Variants in SBF2 observed in about 807,000 individuals in gnomAD.
SBF2 encodes SET binding factor 2.
Under a neutral mutation model 225.2 loss-of-function variants are expected in SBF2, and 112 were observed. That is an observed-to-expected ratio of 0.50 (90% CI 0.43 to 0.58). SBF2 has a LOEUF of 0.58. Ranked by LOEUF, SBF2 falls within the 20% of genes least tolerant of loss-of-function variation. The pLI, the probability that SBF2 is intolerant of heterozygous loss-of-function variation, is 0.00. For synonymous variants in SBF2, 763 were observed against 773.3 expected (o/e 0.99, Z 0.22); for missense variants, 1,996 against 2,206.2 (o/e 0.90, Z 1.91).
intron 2 of SBF2, among the ~76,000 whole-genome samples, chr11:10,081,615 C>T (rs556960435): frequency 2.0e-5 from 3 of 151,984 alleles, no homozygotes; most frequent in African/African-American, 7.2e-5. Flanking sequence ...AAAAAATTAG[C>T]CAGGCGTGGT....
intron 16 of SBF2, among the ~76,000 whole-genome samples, chr11:9,950,545 G>A (rs954821808): frequency 2.0e-5 from 3 of 152,158 alleles, no homozygotes; most frequent in Non-Finnish European, 1.5e-5. Flanking sequence ...TATGATGATT[G>A]TAACTCAGCA....
intron 16 of SBF2, among the ~76,000 whole-genome samples, chr11:9,926,329 C>CTT (rs1185182785): frequency 6.8e-6 from 1 of 146,004 alleles, no homozygotes; most frequent in African/African-American, 2.5e-5. Flanking sequence ...AAAAAATTGT[C>CTT]TTTTTTTTTT....
Position 9,951,984 on chromosome 11 carries a change from G to A in SBF2, c.1860+9973C>T, listed in dbSNP as rs186920236. 1.9e-3 allele frequency among the ~76,000 whole-genome samples: 283 copies of A among 152,306 alleles called. 1 individual carries two copies. The highest frequency in any genetic ancestry group is 3.4e-3 in the Non-Finnish European group (231 of 68,026). On this transcript the variant is annotated intron_variant, in intron 16 of 39. Coordinates refer to ENST00000256190, the MANE Select transcript of SBF2 (RefSeq NM_030962.4). ...CATTATAGTATGCCCTGGGAGAGCT[G>A]TTCTACTGAAAAACGTCAACCTCCA...
intron 2 of SBF2, among the ~76,000 whole-genome samples, chr11:10,045,089 G>A (rs1949800023): frequency 6.6e-6 from 1 of 152,004 alleles, no homozygotes. Context: ...TTTGGCAGGA[G>A]GTCCAGTCAT....
chr11:10,284,923 T>TG (rs1963645482), intron 1 of SBF2, among the ~76,000 whole-genome samples: 1 of 148,178 alleles, frequency 6.7e-6, no homozygotes, highest in Admixed American at 6.7e-5. Flanking sequence ...TGACAAGAGT[T>TG]TTTTTTTTTT....
intron 32 of SBF2, among the ~76,000 whole-genome samples, chr11:9,800,241 GA>G (rs141167439): frequency 6.0e-4 from 87 of 145,388 alleles, no homozygotes; most frequent in African/African-American, 2.1e-3. Context: ...CATCCTAAAG[GA>G]AAAAAAAAAG....
chr11:9,976,073 T>TTCTTC (rs373369670), intron 13 of SBF2, among the ~76,000 whole-genome samples: 7 of 132,348 alleles, frequency 5.3e-5, no homozygotes, highest in Admixed American at 1.5e-4. Context: ...CTTCTTCTTC[T>TTCTTC]TTTTTTTTTT....
At chr11:10,263,261 A>C (rs1961619980) in intron 1 of SBF2, among the ~76,000 whole-genome samples, 2 of 152,092 alleles carry the variant, frequency 1.3e-5, no homozygotes, top group Admixed American at 1.3e-4. Context: ...TATGGTTTTA[A>C]TAATAATTAC....
intron 6 of SBF2, 54 bp downstream of exon 6, chr11:10,028,398 C>A: frequency 1.8e-6 from 2 of 1,110,558 alleles, no homozygotes; most frequent in Non-Finnish European, 2.8e-6. Flanking sequence ...TAAAATAAAT[C>A]CTTTAATCAT....
At chr11:9,990,512 G>A (rs562730046) in intron 12 of SBF2, among the ~76,000 whole-genome samples, 3 of 152,224 alleles carry the variant, frequency 2.0e-5, no homozygotes, top group Admixed American at 6.5e-5. Flanking sequence ...CCATGCAAAC[G>A]GCCAAAGAGG....
chr11:10,118,718 T>C (rs1034661018), intron 2 of SBF2, among the ~76,000 whole-genome samples: 4 of 151,968 alleles, frequency 2.6e-5, no homozygotes, highest in African/African-American at 7.2e-5. Flanking sequence ...GATGACATAA[T>C]TGAATGAGTT....
intron 28 of SBF2, among the ~76,000 whole-genome samples, chr11:9,817,742 C>CAAAAAAAA (rs1161708572): frequency 1.2e-4 from 7 of 57,318 alleles, no homozygotes; most frequent in East Asian, 1.0e-3. Flanking sequence ...CCGTCTCTAC[C>CAAAAAAAA]AAAAAAAAAA....
At chr11:9,975,529 T>C (rs540115671) in intron 13 of SBF2, among the ~76,000 whole-genome samples, 3 of 152,328 alleles carry the variant, frequency 2.0e-5, no homozygotes, top group Admixed American at 1.3e-4. Flanking sequence ...GTGATAGAAA[T>C]ACTCTACCTA....
intron 2 of SBF2, among the ~76,000 whole-genome samples, chr11:10,044,365 T>C (rs762029911): frequency 2.6e-5 from 4 of 152,212 alleles, no homozygotes; most frequent in Admixed American, 2.6e-4. Flanking sequence ...ACAATACCTT[T>C]AAAGGTAAAC....
rs192151568 is a variant in SBF2, at chr11:10,285,178, C to T, written c.55+8837G>A. ...TAAGAAAATTAGCCAGGCATGGTGG[C>T]GTGCACCTGTAGTCCCAGCTACTCG... On this transcript the variant is annotated intron_variant, in intron 1 of 39. Coordinates refer to ENST00000256190, the MANE Select transcript of SBF2 (RefSeq NM_030962.4). 3.3e-5 allele frequency among the ~76,000 whole-genome samples: 5 copies of T among 151,974 alleles called. No homozygotes were observed. In the East Asian group the frequency reaches 5.8e-4, roughly 18 times the overall value.
chr11:9,896,073 G>C lies in SBF2; in HGVS notation c.1861-62C>G, dbSNP rs4910073. Reference sequence around the variant, plus strand: ...TTTACCAGAAATCACAAATACATGCGAACTAACATCTGGGATACACTGTTT... The same window carrying C: ...TTTACCAGAAATCACAAATACATGCCAACTAACATCTGGGATACACTGTTT... On this transcript the variant is annotated intron_variant, in intron 16 of 39. Coordinates refer to ENST00000256190, the MANE Select transcript of SBF2 (RefSeq NM_030962.4). 0.31 allele frequency: 391,135 copies of C among 1,257,900 alleles called. 63,831 individuals are homozygous for C. The highest frequency in any genetic ancestry group is 0.49 in the African/African-American group (33,476 of 67,892). The allele number at this position is 1,257,900 out of a possible 1,614,324, so 77.9% of individuals were successfully genotyped here.
chr11:10,173,909 C>G (rs1174419244), intron 2 of SBF2, among the ~76,000 whole-genome samples: 2 of 151,736 alleles, frequency 1.3e-5, no homozygotes, highest in Non-Finnish European at 2.9e-5. Flanking sequence ...AGACTGACAC[C>G]TCACAGGGCC....
At chr11:9,985,029 AG>A (rs1453757617) in intron 13 of SBF2, among the ~76,000 whole-genome samples, 3 of 152,214 alleles carry the variant, frequency 2.0e-5, no homozygotes, top group African/African-American at 7.2e-5. Context: ...CAAGTTAAAA[AG>A]CAATAACAAA....
chr11:10,121,900 T>C (rs1321868802), intron 2 of SBF2, among the ~76,000 whole-genome samples: 1 of 152,220 alleles, frequency 6.6e-6, no homozygotes, highest in East Asian at 1.9e-4. Flanking sequence ...CCACAATGTG[T>C]ATGCTATCTG....
Sources: allele counts gnomAD v4.1 joint callset (sites outside exome capture counted in the v4.1 genomes callset), GRCh38; gene constraint gnomAD v4.1.1; transcripts MANE v1.5; gene names NCBI Gene and HGNC (gene_info 2026-07-23, HGNC 2026-07-21).